The following GGT5 variants were observed in gnomAD, a reference collection of about 807,000 sequenced individuals.
GGT5 encodes glutathione hydrolase 5 proenzyme.
A neutral mutation model predicts 58.1 loss-of-function variants in GGT5; 50 were observed. That is an observed-to-expected ratio of 0.86 (90% CI 0.69 to 1.09). The LOEUF is 1.09. Among genes scored for constraint, GGT5 ranks in the 50% least tolerant of loss-of-function variants. The probability of loss-of-function intolerance (pLI) is 0.00; values close to 1 mark genes in which losing one functional copy is unlikely to be tolerated. For missense variants in GGT5, 800 were observed against 789.4 expected, an observed-to-expected ratio of 1.01 and a Z score of -0.16; for synonymous variants, 370 against 346.1, an observed-to-expected ratio of 1.07 and a Z score of -0.77.
intron 2 of GGT5, 102 bp downstream of exon 2, chr22:24,233,772 C>T: frequency 1.7e-6 from 2 of 1,207,390 alleles, no homozygotes; most frequent in East Asian, 2.4e-5. Context: ...GGCCCAAGAA[C>T]ACCCAGAAAC....
rs1292213512 is a variant in GGT5 at position 24,225,498 on chromosome 22, C to G, written c.1336+48G>C. 3 of 1,581,086 alleles carry G rather than the reference C, an allele frequency of 1.9e-6. No homozygotes were observed. The African/African-American group carries it at 4.0e-5, about 21-fold the overall frequency. ...CAGCCCAGCCCCCTCCCTCCTCTCC[C>G]CTGGTGGGGGGCCCTTGTGGACCCC... On this transcript the variant is annotated intron_variant, in intron 9 of 11. Coordinates refer to ENST00000327365, the MANE Select transcript of GGT5 (RefSeq NM_004121.5).
In GGT5 at chr22:24,231,376, G is replaced by A. The variant is rs947705730; in HGVS notation, c.901+8C>T. ...GGTGGGCGCCAGGGCTCTGGGCAGG[G>A]GCTTTACCTCTTAGCACGTTGAGGA... On this transcript the variant is annotated splice_region_variant and intron_variant, in intron 6 of 11. Transcript: ENST00000327365. 23 of 1,542,002 alleles carry A rather than the reference G, an allele frequency of 1.5e-5. No individual in the cohort carries two copies. The highest frequency in any genetic ancestry group is 2.0e-5 in the Non-Finnish European group (23 of 1,142,076).
chr22:24,242,896 G>A (rs1166700395), intron 1 of GGT5: 3 of 152,260 alleles, frequency 2.0e-5, no homozygotes, highest in African/African-American at 4.8e-5. Context: ...AGCTTCTTAA[G>A]ACAGGAAGTG....
In GGT5 at chr22:24,233,166, C is replaced by A; in HGVS notation, c.401-148G>T. On this transcript the variant is annotated intron_variant, in intron 3 of 11. Transcript: ENST00000327365. ...CCACGTCCCTCCCTGCTCAAATCACCTGTGGCTCCCCACAAAGTCCATGGC... is the reference window on the plus strand; with the variant it reads ...CCACGTCCCTCCCTGCTCAAATCACATGTGGCTCCCCACAAAGTCCATGGC... The A allele has an allele frequency of 6.1e-6, 4 of 659,284 alleles. No individual in the cohort carries two copies. In the South Asian group the frequency reaches 8.6e-5, roughly 14 times the overall value. 40.8% of individuals were successfully genotyped at this position (659,284 alleles called of 1,614,324 possible). A position where few individuals can be genotyped will look rare whatever the true frequency, so the allele number is the denominator to read the frequency against.
intron 6 of GGT5, 23 bp from the exon 7 acceptor site, chr22:24,226,790 G>T (rs2047780980): frequency 1.9e-6 from 3 of 1,612,586 alleles, no homozygotes; most frequent in Non-Finnish European, 2.5e-6. Context: ...TGGGGCACAG[G>T]TTGGTTGGGG....
At chr22:24,232,244 TC>T in intron 4 of GGT5, 36 bp from the exon 5 acceptor site, 2 of 1,287,898 alleles carry the variant, frequency 1.6e-6, no homozygotes, top group Non-Finnish European at 2.1e-6. Context: ...TGGGGCCAGG[TC>T]CCAGAGGCAG....
chr22:24,233,789 G>C (rs2048021137), intron 2 of GGT5, 85 bp downstream of exon 2: 3 of 1,350,846 alleles, frequency 2.2e-6, no homozygotes, highest in Non-Finnish European at 3.1e-6. Flanking sequence ...AAACGGGCTT[G>C]AGTTGATGGG....
chr22:24,231,969 G>A, intron 5 of GGT5, 82 bp downstream of exon 5: 1 of 1,202,690 alleles, frequency 8.3e-7, no homozygotes, highest in Non-Finnish European at 1.2e-6. Context: ...GGCCTGGGAA[G>A]GAGCCTGCCC....
In GGT5 at chr22:24,232,874, C is replaced by A. The variant is rs578189665; in HGVS notation, c.545G>T (p.Arg182Leu). The change falls in exon 4 of 12, where the codon CGT becomes CTT. Residue 182 changes from arginine to leucine, a missense_variant. Arg to Leu is a moderately radical substitution (Grantham distance 102). Transcript: ENST00000327365. ...GGHVVAPVLS[R>L]FLHNSILRPS... ...CCGCAGGATGCTGTTGTGCAGGAAA[C>A]GGCTGAGGACAGGGGCCACCACATG... The A allele has an allele frequency of 4.4e-6, 7 of 1,578,650 alleles. No homozygotes were observed. The highest frequency in any genetic ancestry group is 1.7e-4 in the Middle Eastern group (1 of 5,882).
intron 6 of GGT5, among the ~76,000 whole-genome samples, chr22:24,230,131 G>A (rs369493385): frequency 1.3e-5 from 2 of 152,090 alleles, no homozygotes; most frequent in African/African-American, 4.8e-5. Context: ...ACTTTGGGAT[G>A]CCGAGGTGGG....
intron 1 of GGT5, among the ~76,000 whole-genome samples, chr22:24,238,385 A>C (rs2048161718): frequency 6.6e-6 from 1 of 151,894 alleles, no homozygotes. Context: ...CAAAAAAATT[A>C]GCAGGGCATG....
intron 6 of GGT5, among the ~76,000 whole-genome samples, chr22:24,228,081 A>AAAAAAAAAAAAAAAAAAAAAAAAC (rs2047829885): frequency 6.8e-6 from 1 of 146,976 alleles, no homozygotes; most frequent in African/African-American, 2.5e-5. Context: ...ACAAAAAAAA[A>AAAAAAAAAAAAAAAAAAAAAAAAC]AAAACTCTGA....
At chr22:24,228,048 CAAA>C (rs1273239063) in intron 6 of GGT5, among the ~76,000 whole-genome samples, 1 of 22,050 alleles carries the variant, frequency 4.5e-5, no homozygotes, top group Non-Finnish European at 8.9e-5. Context: ...GACTCTGTCT[CAAA>C]AAAAAAAAAA....
intron 6 of GGT5, among the ~76,000 whole-genome samples, chr22:24,228,067 CA>C (rs1311445310): frequency 3.9e-4 from 34 of 88,258 alleles, no homozygotes; most frequent in African/African-American, 1.3e-3. Context: ...AAAAAAAAAA[CA>C]AAACAAAAAA....
intron 3 of GGT5, 131 bp downstream of exon 3, chr22:24,233,367 C>A (rs2148919371): frequency 3.4e-6 from 2 of 591,824 alleles, no homozygotes; most frequent in East Asian, 5.8e-5. Flanking sequence ...CTGGGGGTTC[C>A]CCACAGGCTC....
intron 6 of GGT5, among the ~76,000 whole-genome samples, chr22:24,228,062 A>AAAAAC (rs1331847015): frequency 4.1e-5 from 5 of 122,046 alleles, no homozygotes; most frequent in African/African-American, 2.0e-4. Context: ...AAAAAAAAAA[A>AAAAAC]AAAACAAAAC....
At position 24,220,002 on chromosome 22, in the gene GGT5, G is replaced by C; in HGVS notation, c.1729C>G (p.Leu577Val). Residue 577 changes from leucine (L) to valine (V), a missense_variant, in exon 12 of 12, where the codon CTG (leucine) becomes GTG (valine). Physicochemically the swap from Leu to Val is conservative, Grantham distance 32. Coordinates refer to ENST00000327365, the MANE Select transcript of GGT5 (RefSeq NM_004121.5). ...CCTGCGGCCTCCCCACTCTTCCTCA[G>C]GTCCGAGACGGCGTACACACAGGCC... ...EGACVYAVSDLRKSGEAAGY is the reference protein window; with the variant it reads ...EGACVYAVSDVRKSGEAAGY 5 of 1,614,158 alleles carry C rather than the reference G, an allele frequency of 3.1e-6. No individual in the cohort carries two copies. Among genetic ancestry groups the C allele is most frequent in the Non-Finnish European group, 4.2e-6 (5 of 1,179,998 alleles).
intron 1 of GGT5, 41 bp from the exon 2 acceptor site, chr22:24,234,045 C>T: frequency 1.3e-6 from 2 of 1,561,986 alleles, no homozygotes; most frequent in East Asian, 4.8e-5. Context: ...GCTCCCCTCC[C>T]CCTGCCTCCC....
intron 6 of GGT5, among the ~76,000 whole-genome samples, chr22:24,230,064 C>T (rs1275180748): frequency 6.6e-6 from 1 of 151,976 alleles, no homozygotes; most frequent in African/African-American, 2.4e-5. Context: ...AAAACCCCGT[C>T]TCTACTAAAA....
Sources: allele counts gnomAD v4.1 joint callset (sites outside exome capture counted in the v4.1 genomes callset), GRCh38; gene constraint gnomAD v4.1.1; transcripts MANE v1.5; gene names NCBI Gene and HGNC (gene_info 2026-07-23, HGNC 2026-07-21).